The following STK26 variants were observed in gnomAD, a reference collection of about 807,000 sequenced individuals.
STK26 encodes the protein serine/threonine kinase 26.
In STK26, 14 loss-of-function variants were observed where a neutral mutation model predicts 34.7. The ratio of observed to expected loss-of-function variants is 0.40; its 90% CI spans 0.27 to 0.63. STK26 has a LOEUF of 0.63. STK26 is among the 30% of genes least tolerant of loss of function. The probability of loss-of-function intolerance (pLI) is 0.38; values close to 1 mark genes in which losing one functional copy is unlikely to be tolerated. For synonymous variants in STK26, 100 were observed against 109.8 expected (o/e 0.91, Z 0.56); for missense variants, 226 against 309.1 (o/e 0.73, Z 2.02).
At chrX:132,028,462 C>A (rs1925694796) in intron 2 of STK26, among the ~76,000 whole-genome samples, 1 of 111,259 alleles carries the variant, frequency 9.0e-6, no homozygotes, top group African/African-American at 3.3e-5. Context: ...TGACAAAGTA[C>A]ATATGTCCAA....
chrX:132,061,492 G>T (rs1222480772), intron 3 of STK26, among the ~76,000 whole-genome samples: 2 of 111,948 alleles, frequency 1.8e-5, no homozygotes, highest in Non-Finnish European at 3.8e-5. Flanking sequence ...AAGACTCTCA[G>T]CTTTCTGCTC....
At chrX:132,072,221 C>T in intron 8 of STK26, 47 bp from the exon 9 acceptor site, 1 of 1,024,471 alleles carries the variant, frequency 9.8e-7, no homozygotes, top group Non-Finnish European at 1.4e-6. Context: ...TTTTGCCAAG[C>T]TGAATCATTT....
At chrX:132,038,171 A>C (rs189307392) in intron 2 of STK26, among the ~76,000 whole-genome samples, 1 of 111,250 alleles carries the variant, frequency 9.0e-6, no homozygotes, top group East Asian at 2.8e-4. Context: ...ACTCTGGAAG[A>C]ACAGAAAAAC....
intron 2 of STK26, among the ~76,000 whole-genome samples, chrX:132,024,270 T>C (rs1438510770): frequency 2.7e-5 from 3 of 111,462 alleles, no homozygotes; most frequent in Non-Finnish European, 1.9e-5. Context: ...TCAGAGTCAC[T>C]GAGGTGATGA....
intron 2 of STK26, among the ~76,000 whole-genome samples, chrX:132,053,008 A>T: frequency 8.9e-6 from 1 of 112,186 alleles, no homozygotes; most frequent in Non-Finnish European, 1.9e-5. Flanking sequence ...ATGTATTAGT[A>T]GTCACAATGA....
chrX:132,054,849 G>T lies in STK26; in HGVS notation c.261G>T (p.Gly87=). Residue 87 remains glycine (G), a synonymous_variant, in exon 3 of 12, where the codon GGG becomes GGT. Transcript: ENST00000394334. ...CDSSYVTKYY[G]SYLKGSKLWI... ...GCTCATATGTAACAAAATACTATGG[G>T]TCATATTTAAAGGTAATGTGTGTGC... is the stretch of plus-strand genomic sequence containing the variant. The T allele has an allele frequency of 8.4e-7, 1 of 1,195,053 alleles. No individual in the cohort carries two copies. The highest frequency in any genetic ancestry group is 1.1e-6 in the Non-Finnish European group (1 of 881,582).
At chrX:132,067,960 T>G (rs994497250) in intron 4 of STK26, among the ~76,000 whole-genome samples, 1 of 107,530 alleles carries the variant, frequency 9.3e-6, no homozygotes, top group Admixed American at 9.7e-5. Context: ...TGAAGCCTAG[T>G]ATATAGGTAA....
chrX:132,030,640 G>A (rs1324326035), intron 2 of STK26, among the ~76,000 whole-genome samples: 2 of 109,746 alleles, frequency 1.8e-5, no homozygotes, highest in East Asian at 5.7e-4. Flanking sequence ...ACAAAGTTCT[G>A]TGTTCTGAAA....
At chrX:132,024,707 A>G (rs753996834) in intron 2 of STK26, among the ~76,000 whole-genome samples, 27 of 110,911 alleles carry the variant, frequency 2.4e-4, no homozygotes, top group Non-Finnish European at 4.7e-4. Flanking sequence ...GTAGAAATCA[A>G]AGAGCTGTAG....
chrX:132,072,768 A>G (rs777464153), intron 9 of STK26, 45 bp from the exon 10 acceptor site: 1 of 1,137,144 alleles, frequency 8.8e-7, no homozygotes, highest in African/African-American at 1.8e-5. Flanking sequence ...AAATCATGAC[A>G]CTTATTTTAA....
At chrX:132,049,600 G>A (rs935111771) in intron 2 of STK26, among the ~76,000 whole-genome samples, 1 of 112,184 alleles carries the variant, frequency 8.9e-6, no homozygotes, top group East Asian at 2.8e-4. Context: ...TTAGGCTGAA[G>A]TTTTTAGTTG....
chrX:132,071,577 AAAG>A (rs1927417120), intron 8 of STK26, among the ~76,000 whole-genome samples: 2 of 112,099 alleles, frequency 1.8e-5, no homozygotes, highest in African/African-American at 6.5e-5. Context: ...AAATCCCTCT[AAAG>A]AACTGACCTC....
chrX:132,037,513 C>A (rs1229065903), intron 2 of STK26, among the ~76,000 whole-genome samples: 3 of 111,542 alleles, frequency 2.7e-5, no homozygotes, highest in Non-Finnish European at 5.7e-5. Context: ...AATAGTTTTA[C>A]AGAAAATCAT....
At chrX:132,059,889 T>C (rs1343950072) in intron 3 of STK26, among the ~76,000 whole-genome samples, 1 of 112,038 alleles carries the variant, frequency 8.9e-6, no homozygotes, top group Non-Finnish European at 1.9e-5. Flanking sequence ...TTACAGCCAG[T>C]TTATGTATGC....
At chrX:132,045,966 A>G (rs1362428151) in intron 2 of STK26, among the ~76,000 whole-genome samples, 1 of 112,291 alleles carries the variant, frequency 8.9e-6, no homozygotes, top group Non-Finnish European at 1.9e-5. Context: ...AAATGGAGCT[A>G]ATGAAAGTGC....
chrX:132,023,388 G>T lies in STK26; in HGVS notation c.-130G>T. 3 of 531,435 alleles carry T rather than the reference G, an allele frequency of 5.6e-6. No individual in the cohort carries two copies. The allele number at this position is 531,435 out of a possible 1,213,427, so 43.8% of individuals were successfully genotyped here. ...CAGCAGCGGAGGCGGCTGCTTCAGCGGCGGGCGGGCGCCAGAAAGGTAGAC... is the reference window on the plus strand; with the variant it reads ...CAGCAGCGGAGGCGGCTGCTTCAGCTGCGGGCGGGCGCCAGAAAGGTAGAC... On this transcript the variant is annotated 5_prime_UTR_variant, in exon 1 of 12. Coordinates refer to ENST00000394334, the MANE Select transcript of STK26 (RefSeq NM_016542.4).
rs766358527 is a variant in STK26 at position 132,048,929 on chromosome X, G to A, written c.43-5702G>A. Among the ~76,000 whole-genome samples the A allele has an allele frequency of 3.6e-5, 4 of 112,180 alleles. No individual in the cohort carries two copies. In the South Asian group the frequency reaches 1.5e-3, roughly 42 times the overall value. ...TCCTGTTTTCTCGAACTCAGCACTGGTAAGAGTTATACGGCTGTTGACATT... is the reference window on the plus strand; with the variant it reads ...TCCTGTTTTCTCGAACTCAGCACTGATAAGAGTTATACGGCTGTTGACATT... On this transcript the variant is annotated intron_variant, in intron 2 of 11. Transcript: ENST00000394334.
At chrX:132,073,815 T>C (rs948089534) in intron 11 of STK26, among the ~76,000 whole-genome samples, 3 of 111,398 alleles carry the variant, frequency 2.7e-5, no homozygotes, top group Non-Finnish European at 5.7e-5. Flanking sequence ...GAACAAACTC[T>C]GTGACCTGTG....
intron 2 of STK26, among the ~76,000 whole-genome samples, chrX:132,051,509 T>G (rs868477386): frequency 1.8e-5 from 2 of 111,752 alleles, no homozygotes; most frequent in African/African-American, 3.3e-5. Flanking sequence ...GCTCTTTTTT[T>G]GGGGCAGCTT....
Sources: gnomAD v4.1 joint callset for allele counts (sites outside exome capture counted in the v4.1 genomes callset) on GRCh38, gnomAD v4.1.1 for gene constraint, MANE v1.5 for transcripts, NCBI Gene and HGNC (gene_info 2026-07-23, HGNC 2026-07-21) for gene names.